The following TFB2M variants were observed in gnomAD, a reference collection of about 807,000 sequenced individuals.
TFB2M encodes dimethyladenosine transferase 2, mitochondrial.
TFB2M carries 44 observed loss-of-function variants against 41.3 expected under a neutral mutation model. The ratio of observed to expected loss-of-function variants is 1.07; its 90% CI spans 0.84 to 1.37. TFB2M has a LOEUF of 1.37. TFB2M is among the 40% of genes most tolerant of loss of function. TFB2M has a pLI of 0.00. For synonymous variants in TFB2M, 188 were observed against 176.8 expected, an observed-to-expected ratio of 1.06 and a Z score of -0.50; for missense variants, 496 against 490.2, an observed-to-expected ratio of 1.01 and a Z score of -0.11.
intron 7 of TFB2M, among the ~76,000 whole-genome samples, chr1:246,541,560 T>G (rs559502457): frequency 7.9e-5 from 12 of 152,366 alleles, no homozygotes; most frequent in Admixed American, 7.2e-4. Flanking sequence ...CAATCTTATT[T>G]AGTTTAAGAG....
rs117695908 is a variant in TFB2M, at chr1:246,558,125, T to C, written c.403-591A>G. Among the ~76,000 whole-genome samples, 42 of 148,560 alleles carry C rather than the reference T, an allele frequency of 2.8e-4. No homozygotes were observed. The East Asian group carries it at 7.6e-3, about 27-fold the overall frequency. On this transcript the variant is annotated intron_variant, in intron 2 of 7. Transcript: ENST00000366514. ...CAAGAAAAAGCCCCCCAAACAGAAATAAACTATCATAAATTTTTCTTTATC... is the reference window on the plus strand; with the variant it reads ...CAAGAAAAAGCCCCCCAAACAGAAACAAACTATCATAAATTTTTCTTTATC...
intron 2 of TFB2M, among the ~76,000 whole-genome samples, chr1:246,557,869 C>T (rs1659365204): frequency 1.3e-5 from 2 of 152,106 alleles, no homozygotes; most frequent in Admixed American, 1.3e-4. Context: ...TGGGGTTTCA[C>T]CATGTTGGCC....
rs1659659988 is a variant in TFB2M, at chr1:246,566,047, G to A, written c.92C>T (p.Ala31Val). The change falls in exon 1 of 8, where the codon GCG (alanine) becomes GTG (valine). Residue 31 changes from alanine to valine, a missense_variant. Physicochemically the swap from Ala to Val is moderately conservative, Grantham distance 64. Transcript: ENST00000366514. Reference sequence around the variant, plus strand: ...CCTCGCCGGCAAATGCTTTCGCGTCGCCGCTTCAGACCCTAAAATGCAAAA... The same window carrying A: ...CCTCGCCGGCAAATGCTTTCGCGTCACCGCTTCAGACCCTAAAATGCAAAA... Reference protein sequence around the residue: ...GRFCILGSEAATRKHLPARNH... With the variant: ...GRFCILGSEAVTRKHLPARNH... 6.2e-7 allele frequency: 1 copy of A among 1,614,036 alleles called. No homozygotes were observed. The highest frequency in any genetic ancestry group is 1.1e-5 in the South Asian group (1 of 91,084).
intron 6 of TFB2M, 72 bp downstream of exon 6, chr1:246,548,473 T>G: frequency 7.6e-7 from 1 of 1,317,110 alleles, no homozygotes; most frequent in Non-Finnish European, 1.1e-6. Flanking sequence ...GACTACCAAA[T>G]AGTCCTAAAA....
chr1:246,541,117 C>T lies in TFB2M; in HGVS notation c.1105G>A (p.Asp369Asn). The change falls in exon 8 of 8, where the codon GAC becomes AAC. Residue 369 changes from aspartate (D) to asparagine (N), a missense_variant. By Grantham distance (23) the Asp-to-Asn change is conservative. Coordinates refer to ENST00000366514, the MANE Select transcript of TFB2M (RefSeq NM_022366.3). ...ATAGTTTCAAAAAGTGTTTTGAAGT[C>T]TTGAGGGTGCATGTTAACTACTTTC... ...DEKVVNMHPQDFKTLFETIER... is the reference protein window; with the variant it reads ...DEKVVNMHPQNFKTLFETIER... The T allele has an allele frequency of 6.2e-7, 1 of 1,614,154 alleles. No homozygotes were observed. Among genetic ancestry groups the T allele is most frequent in the African/African-American group, 1.3e-5 (1 of 75,062 alleles).
rs7518084 is a variant in TFB2M, at chr1:246,542,069, C to T, written c.1020-867G>A. ...CTATTGCTCCAAGGATACAAACCTG[C>T]ACAGCATGTTACTGTACTGAATACT... On this transcript the variant is annotated intron_variant, in intron 7 of 7. Coordinates refer to ENST00000366514, the MANE Select transcript of TFB2M (RefSeq NM_022366.3). 1.7e-3 allele frequency among the ~76,000 whole-genome samples: 263 copies of T among 152,192 alleles called. 1 individual carries two copies. Among genetic ancestry groups the T allele is most frequent in the African/African-American group, 6.0e-3 (248 of 41,522 alleles).
Position 246,556,639 on chromosome 1 carries a change from G to GGAAT in TFB2M, c.635_638dup (p.Cys214PhefsTer7). On this transcript the variant is annotated frameshift_variant, in exon 4 of 8. Transcript: ENST00000366514. LOFTEE classifies it high-confidence loss of function. ...GTCCAAATTTATATATAGAAGTACAGGAATACAAGTCATATGCGAGTTTCC... is the reference window on the plus strand; with the variant it reads ...GTCCAAATTTATATATAGAAGTACAGGAATGAATACAAGTCATATGCGAGTTTCC... 1 of 1,574,076 alleles carries GGAAT rather than the reference G, an allele frequency of 6.4e-7. No homozygotes were observed. The highest frequency in any genetic ancestry group is 8.6e-7 in the Non-Finnish European group (1 of 1,164,418).
chr1:246,555,120 C>A (rs1220459633), intron 4 of TFB2M, among the ~76,000 whole-genome samples: 7 of 151,574 alleles, frequency 4.6e-5, no homozygotes, highest in Non-Finnish European at 1.0e-4. Context: ...TAGGAAAATG[C>A]AAATCAAAAG....
At chr1:246,544,867 G>C (rs1400663783) in intron 6 of TFB2M, among the ~76,000 whole-genome samples, 186 bp from the exon 7 acceptor site, 1 of 152,146 alleles carries the variant, frequency 6.6e-6, no homozygotes, top group South Asian at 2.1e-4. Context: ...GTACAACGGC[G>C]TGATCTCCAC....
intron 7 of TFB2M, among the ~76,000 whole-genome samples, chr1:246,543,240 C>A (rs1184853104): frequency 2.0e-5 from 3 of 151,966 alleles, no homozygotes; most frequent in Non-Finnish European, 4.4e-5. Flanking sequence ...ATTAAATGAT[C>A]AAATTTGTTA....
At chr1:246,557,832 G>C (rs762322565) in intron 2 of TFB2M, among the ~76,000 whole-genome samples, 1 of 151,982 alleles carries the variant, frequency 6.6e-6, no homozygotes, top group Non-Finnish European at 1.5e-5. Flanking sequence ...ACCACACCCA[G>C]CCAGTTTTTT....
At chr1:246,560,318 T>C (rs1659425516) in intron 2 of TFB2M, among the ~76,000 whole-genome samples, 1 of 152,176 alleles carries the variant, frequency 6.6e-6, no homozygotes, top group African/African-American at 2.4e-5. Flanking sequence ...TCCCAGGAGT[T>C]TGAGACCAGC....
At chr1:246,553,823 C>T (rs1414333586) in intron 4 of TFB2M, among the ~76,000 whole-genome samples, 2 of 152,200 alleles carry the variant, frequency 1.3e-5, no homozygotes, top group Non-Finnish European at 2.9e-5. Flanking sequence ...AAAATCCTAA[C>T]GCATTTTGGA....
chr1:246,561,303 G>A (rs1659449612), intron 2 of TFB2M, among the ~76,000 whole-genome samples: 1 of 152,148 alleles, frequency 6.6e-6, no homozygotes, highest in South Asian at 2.1e-4. Context: ...TCTAATCAAA[G>A]ACTGGATTTA....
intron 6 of TFB2M, 60 bp downstream of exon 6, chr1:246,548,485 A>T (rs945747739): frequency 3.1e-5 from 44 of 1,433,644 alleles, no homozygotes; most frequent in African/African-American, 1.2e-4. Context: ...GTCCTAAAAA[A>T]ATAAAATAAA....
chr1:246,555,843 T>C (rs1171117401), intron 4 of TFB2M, among the ~76,000 whole-genome samples: 2 of 151,920 alleles, frequency 1.3e-5, no homozygotes, highest in East Asian at 3.9e-4. Flanking sequence ...CAGGCTGGAG[T>C]GCAGGGGCAT....
In TFB2M at chr1:246,566,099, G is replaced by C. The variant is rs1476619492; in HGVS notation, c.40C>G (p.Leu14Val). 3.7e-6 allele frequency: 6 copies of C among 1,611,406 alleles called. No homozygotes were observed. In the Admixed American group the frequency reaches 8.3e-5, roughly 22 times the overall value. Residue 14 changes from leucine (L) to valine (V), a missense_variant, in exon 1 of 8, where the codon CTC (leucine) becomes GTC (valine). By Grantham distance (32) the Leu-to-Val change is conservative (BLOSUM62 1). Transcript: ENST00000366514. ...PVVGLPRRLRLSALAGAGRFC... is the reference protein window; with the variant it reads ...PVVGLPRRLRVSALAGAGRFC... ...CGACCAGCGCCCGCCAAGGCGGAGA[G>C]CCTCAGCCGCCGAGGAAGCCCGACC...
intron 5 of TFB2M, among the ~76,000 whole-genome samples, chr1:246,550,883 C>CAAAAAATA (rs1659159649): frequency 6.6e-6 from 1 of 151,834 alleles, no homozygotes; most frequent in African/African-American, 2.4e-5. Flanking sequence ...GACTCCATCT[C>CAAAAAATA]AAAAAATAAA....
chr1:246,556,518 C>T (rs1659324505), intron 4 of TFB2M, 55 bp downstream of exon 4: 2 of 1,310,652 alleles, frequency 1.5e-6, no homozygotes, highest in South Asian at 3.4e-5. Context: ...ATTAAGAGTA[C>T]TCAGAGAAAA....
Sources: allele counts gnomAD v4.1 joint callset (sites outside exome capture counted in the v4.1 genomes callset), GRCh38; gene constraint gnomAD v4.1.1; transcripts MANE v1.5; gene names NCBI Gene and HGNC (gene_info 2026-07-23, HGNC 2026-07-21).